WWOX: variants seen among roughly 807,000 people sequenced by gnomAD.
WWOX encodes the protein WW domain-containing oxidoreductase.
Under a neutral mutation model 46.2 loss-of-function variants are expected in WWOX, and 69 were observed. The ratio of observed to expected loss-of-function variants is 1.49; its 90% confidence interval spans 1.23 to 1.82. The LOEUF is 1.82. Among genes scored for constraint, WWOX ranks in the 40% most tolerant of loss-of-function variants. The pLI is 0.00. For missense variants in WWOX, 919 were observed against 542.6 expected (o/e 1.69, Z -6.89); for synonymous variants, 359 against 202.6 (o/e 1.77, Z -6.56).
intron 8 of WWOX, among the ~76,000 whole-genome samples, chr16:78,774,766 C>T (rs2050149606): frequency 6.6e-6 from 1 of 151,882 alleles, no homozygotes; most frequent in African/African-American, 2.4e-5. Context: ...TAGCATAAGG[C>T]AATTCCTGGC....
intron 8 of WWOX, among the ~76,000 whole-genome samples, chr16:78,967,459 GTTTTTTTTTTTTT>G (rs57576563): frequency 2.0e-5 from 2 of 98,348 alleles, no homozygotes; most frequent in African/African-American, 7.9e-5. Context: ...AATTTTTGTG[GTTTTTTTTTTTTT>G]TTTTTTTTTC....
At chr16:78,390,733 C>G (rs1284577613) in intron 6 of WWOX, among the ~76,000 whole-genome samples, 1 of 152,178 alleles carries the variant, frequency 6.6e-6, no homozygotes, top group South Asian at 2.1e-4. Context: ...CAGAGAAACA[C>G]ATGTAACTCT....
At chr16:78,675,432 T>C (rs1027142541) in intron 8 of WWOX, among the ~76,000 whole-genome samples, 1 of 152,236 alleles carries the variant, frequency 6.6e-6, no homozygotes, top group Non-Finnish European at 1.5e-5. Flanking sequence ...TTTAATCTAA[T>C]TTATTGGTTA....
intron 5 of WWOX, among the ~76,000 whole-genome samples, chr16:78,373,897 C>A (rs558406013): frequency 6.6e-6 from 1 of 151,998 alleles, no homozygotes; most frequent in Non-Finnish European, 1.5e-5. Context: ...AAGCAATCCT[C>A]CCACCTCAGC....
chr16:78,370,685 CTGAT>C (rs2081655629), intron 5 of WWOX, among the ~76,000 whole-genome samples: 1 of 150,808 alleles, frequency 6.6e-6, no homozygotes, highest in East Asian at 1.9e-4. Flanking sequence ...TTCCTTATAA[CTGAT>C]TATTTTTCTT....
At chr16:78,167,376 G>T (rs886402847) in intron 5 of WWOX, 2 of 152,060 alleles carry the variant, frequency 1.3e-5, no homozygotes, top group Non-Finnish European at 2.9e-5. Flanking sequence ...CCTTAATTGG[G>T]TCCCTGTGAG....
intron 8 of WWOX, among the ~76,000 whole-genome samples, chr16:78,913,902 C>T (rs1443379983): frequency 6.6e-6 from 1 of 151,972 alleles, no homozygotes; most frequent in African/African-American, 2.4e-5. Flanking sequence ...CTCAAGTGAT[C>T]CTCCTGCCTT....
At chr16:78,622,195 G>A in intron 8 of WWOX, among the ~76,000 whole-genome samples, 1 of 152,196 alleles carries the variant, frequency 6.6e-6, no homozygotes, top group African/African-American at 2.4e-5. Context: ...CTTCTCTCCT[G>A]CACCAAGTTT....
At chr16:78,960,312 C>T (rs368525324) in intron 8 of WWOX, among the ~76,000 whole-genome samples, 5 of 152,264 alleles carry the variant, frequency 3.3e-5, no homozygotes, top group African/African-American at 7.2e-5. Flanking sequence ...TATTTTCTAG[C>T]GTAACGTTTG....
At chr16:78,939,100 T>TG (rs1169499585) in intron 8 of WWOX, among the ~76,000 whole-genome samples, 7 of 152,232 alleles carry the variant, frequency 4.6e-5, no homozygotes, top group Admixed American at 4.6e-4. Flanking sequence ...GACAGGACAG[T>TG]GGCCCCGCTG....
intron 5 of WWOX, among the ~76,000 whole-genome samples, chr16:78,254,515 T>TTTTTTTTTG (rs1555509553): frequency 7.5e-6 from 1 of 133,902 alleles, no homozygotes; most frequent in Non-Finnish European, 1.6e-5. Flanking sequence ...TTTTTTTTTT[T>TTTTTTTTTG]TTTTGTTTGA....
intron 5 of WWOX, among the ~76,000 whole-genome samples, chr16:78,302,605 C>T (rs1314408323): frequency 6.6e-6 from 1 of 152,162 alleles, no homozygotes; most frequent in African/African-American, 2.4e-5. Context: ...TCCCATTAGA[C>T]TTGAAAATTG....
chr16:78,327,260 G>T (rs2080645142), intron 5 of WWOX, among the ~76,000 whole-genome samples: 1 of 152,162 alleles, frequency 6.6e-6, no homozygotes, highest in Non-Finnish European at 1.5e-5. Flanking sequence ...AAATCACTCT[G>T]TCATCATATG....
intron 5 of WWOX, among the ~76,000 whole-genome samples, chr16:78,273,891 A>G (rs1485188314): frequency 1.3e-5 from 2 of 152,188 alleles, no homozygotes; most frequent in African/African-American, 4.8e-5. Context: ...TGGGGCACCC[A>G]AGTGGAAGTC....
intron 5 of WWOX, among the ~76,000 whole-genome samples, chr16:78,320,955 C>T (rs1459181819): frequency 6.6e-6 from 1 of 152,064 alleles, no homozygotes; most frequent in Non-Finnish European, 1.5e-5. Flanking sequence ...GGTTAATTGT[C>T]TTGTTTACAA....
chr16:78,296,813 C>T (rs1436032290), intron 5 of WWOX, among the ~76,000 whole-genome samples: 12 of 151,954 alleles, frequency 7.9e-5, no homozygotes, highest in Non-Finnish European at 1.8e-4. Flanking sequence ...AATTGATGCA[C>T]CTAAAGGAGT....
chr16:78,715,061 G>A (rs1268904084), intron 8 of WWOX, among the ~76,000 whole-genome samples: 1 of 152,074 alleles, frequency 6.6e-6, no homozygotes, highest in Non-Finnish European at 1.5e-5. Flanking sequence ...TGGGATGATT[G>A]CTTGAGCCCA....
intron 5 of WWOX, among the ~76,000 whole-genome samples, chr16:78,383,780 T>C (rs985829206): frequency 1.3e-5 from 2 of 152,174 alleles, no homozygotes; most frequent in African/African-American, 4.8e-5. Flanking sequence ...GGAAACCTGA[T>C]ACCTAGGGCA....
At chr16:78,646,010 T>A (rs2046831650) in intron 8 of WWOX, among the ~76,000 whole-genome samples, 1 of 152,116 alleles carries the variant, frequency 6.6e-6, no homozygotes, top group South Asian at 2.1e-4. Context: ...CCCTTTGTCA[T>A]CTTTTTAGGT....
Sources: gnomAD v4.1 joint callset for allele counts (sites outside exome capture counted in the v4.1 genomes callset) on GRCh38, gnomAD v4.1.1 for gene constraint, MANE v1.5 for transcripts, NCBI Gene and HGNC (gene_info 2026-07-23, HGNC 2026-07-21) for gene names.